Variants in LMTK3 observed in about 807,000 individuals in gnomAD.
LMTK3 encodes the protein serine/threonine-protein kinase LMTK3.
In LMTK3, 27 loss-of-function variants were observed where a neutral mutation model predicts 116.7. The ratio of observed to expected loss-of-function variants is 0.23; its 90% CI spans 0.17 to 0.32. The LOEUF (loss-of-function observed/expected upper bound fraction) is 0.32, where lower values mean the gene tolerates loss of function less well. Ranked by LOEUF, LMTK3 falls within the 10% of genes least tolerant of loss-of-function variation. The pLI, the probability that LMTK3 is intolerant of heterozygous loss-of-function variation, is 1.00. For synonymous variants in LMTK3, 965 were observed against 971.0 expected (o/e 0.99, Z 0.11); for missense variants, 1,764 against 2,068.5 (o/e 0.85, Z 2.86).
In LMTK3 at chr19:48,498,594, G is replaced by T. The variant is rs760321081; in HGVS notation, c.2475C>A (p.Pro825=). The change falls in exon 11 of 15, where the codon CCC becomes CCA. Residue 825 remains proline, a synonymous_variant. Transcript: ENST00000600059. ...EEGVPRPRAP[P]EPPDPGAPRP... ...GGGGCGCTCCTGGGTCGGGTGGCTC[G>T]GGGGGAGCCCGCGGCCGAGGGACCC... 1.3e-6 allele frequency: 2 copies of T among 1,549,180 alleles called. No homozygotes were observed. Among genetic ancestry groups the T allele is most frequent in the East Asian group, 2.4e-5 (1 of 40,868 alleles).
rs759694182 is a variant in LMTK3, at chr19:48,502,896, C to G, written c.645+13G>C. 6.2e-7 allele frequency: 1 copy of G among 1,604,578 alleles called. No homozygotes were observed. Among genetic ancestry groups the G allele is most frequent in the Non-Finnish European group, 8.5e-7 (1 of 1,173,300 alleles). On this transcript the variant is annotated intron_variant, in intron 6 of 14. Transcript: ENST00000600059. ...GCCCCCTCTGCCCTTCCCCAACCCCCCAAGACCCTCACCAGTTGACAGAAC... is the reference window on the plus strand; with the variant it reads ...GCCCCCTCTGCCCTTCCCCAACCCCGCAAGACCCTCACCAGTTGACAGAAC...
intron 7 of LMTK3, among the ~76,000 whole-genome samples, chr19:48,502,228 C>T (rs1341433719): frequency 6.7e-6 from 1 of 148,700 alleles, no homozygotes; most frequent in Non-Finnish European, 1.5e-5. Context: ...TCACCTGACC[C>T]CGCCTCCCTC....
At chr19:48,511,458 G>A (rs755259095) in intron 1 of LMTK3, 43 bp downstream of exon 1, 46 of 885,950 alleles carry the variant, frequency 5.2e-5, no homozygotes, top group Non-Finnish European at 6.7e-5. Flanking sequence ...GGCCGCCGCG[G>A]GGGTGGGGGC....
At chr19:48,507,826 AGGG>A (rs1342316149) in intron 5 of LMTK3, among the ~76,000 whole-genome samples, 3 of 152,190 alleles carry the variant, frequency 2.0e-5, no homozygotes, top group Admixed American at 6.5e-5. Context: ...GCACAGGTTT[AGGG>A]AGAGACAGGC....
rs771509612 is a variant in LMTK3, at chr19:48,493,774, C to T, written c.4012G>A (p.Glu1338Lys). Residue 1338 changes from glutamate to lysine, a missense_variant, in exon 12 of 15, where the codon GAG becomes AAG. Glu to Lys is a moderately conservative substitution (Grantham distance 56). This residue lies in a region of LMTK3 where 281 missense variants were observed against 301.4 expected (regional missense o/e 0.93). Transcript: ENST00000600059. ...GLLKSPRGAD[E>K]PEDSELERKR... ...CTCTCCAGCTCGCTGTCCTCTGGCTCGTCGGCCCCGCGCGGAGACTTGAGC... is the reference window on the plus strand; with the variant it reads ...CTCTCCAGCTCGCTGTCCTCTGGCTTGTCGGCCCCGCGCGGAGACTTGAGC... The T allele has an allele frequency of 6.5e-6, 10 of 1,544,910 alleles. No homozygotes were observed. Among genetic ancestry groups the T allele is most frequent in the Non-Finnish European group, 7.9e-6 (9 of 1,146,466 alleles).
intron 14 of LMTK3, among the ~76,000 whole-genome samples, chr19:48,488,467 T>C (rs896711501): frequency 7.9e-5 from 12 of 151,940 alleles, no homozygotes; most frequent in Admixed American, 1.3e-4. Flanking sequence ...CAACATTGAC[T>C]TCCCTCCCTT....
At chr19:48,486,748 A>T (rs1169377116) in intron 14 of LMTK3, among the ~76,000 whole-genome samples, 7 of 150,518 alleles carry the variant, frequency 4.7e-5, no homozygotes, top group Non-Finnish European at 1.0e-4. Flanking sequence ...TGTGTTAGCC[A>T]GGATGGTCTC....
Position 48,501,489 on chromosome 19 carries a change from T to C in LMTK3, c.868A>G (p.Ser290Gly). The change falls in exon 8 of 15, where the codon AGC (serine) becomes GGC (glycine). Residue 290 changes from serine (S) to glycine (G), a missense_variant. Ser to Gly is a moderately conservative substitution (Grantham distance 56). This residue lies in a region of LMTK3 where 271 missense variants were observed against 478.2 expected (regional missense o/e 0.57). Transcript: ENST00000600059. ...GAAGGAAGCCCTACCTTGTAGTTGC[T>C]GTGGGCCAGCCCGTAGTCTCCGATG... ...VRIGDYGLAH[S>G]NYKEDYYLTP... 6.2e-7 allele frequency: 1 copy of C among 1,612,572 alleles called. No individual in the cohort carries two copies. The highest frequency in any genetic ancestry group is 8.5e-7 in the Non-Finnish European group (1 of 1,179,316).
intron 14 of LMTK3, among the ~76,000 whole-genome samples, chr19:48,487,398 C>T (rs965554696): frequency 6.6e-6 from 1 of 152,136 alleles, no homozygotes; most frequent in East Asian, 1.9e-4. Context: ...TGGTCTCGAA[C>T]TCCTGACCTC....
In LMTK3 at chr19:48,485,804, A is replaced by C; in HGVS notation, c.4367-15T>G. 6.2e-7 allele frequency: 1 copy of C among 1,606,178 alleles called. No homozygotes were observed. The highest frequency in any genetic ancestry group is 8.5e-7 in the Non-Finnish European group (1 of 1,176,886). ...CTCCACGGGGCCTGAGGATGGACAG[A>C]GGAGACAGAGAAATGAAATTACTAG... On this transcript the variant is annotated splice_polypyrimidine_tract_variant and intron_variant, in intron 14 of 14. Coordinates refer to ENST00000600059, the MANE Select transcript of LMTK3 (RefSeq NM_001388485.1).
At chr19:48,486,695 G>A (rs1358671500) in intron 14 of LMTK3, among the ~76,000 whole-genome samples, 1 of 150,394 alleles carries the variant, frequency 6.6e-6, no homozygotes, top group African/African-American at 2.5e-5. Flanking sequence ...CCACGACTAC[G>A]CCCGGCTAAT....
In LMTK3 at chr19:48,487,365, G is replaced by A. The variant is rs183518832; in HGVS notation, c.4367-1576C>T. ...TAATTTTTGTATTTTTCATACAGAC[G>A]GGGTTTCACCATGTTGGCCGGCTGG... On this transcript the variant is annotated intron_variant, in intron 14 of 14. Transcript: ENST00000600059. Among the ~76,000 whole-genome samples, 369 of 152,160 alleles carry A rather than the reference G, an allele frequency of 2.4e-3. 3 individuals carry two copies. Among genetic ancestry groups the A allele is most frequent in the African/African-American group, 8.4e-3 (348 of 41,496 alleles).
Position 48,491,639 on chromosome 19 carries a change from T to C in LMTK3, c.4093-100A>G. 1 of 1,087,152 alleles carries C rather than the reference T, an allele frequency of 9.2e-7. No homozygotes were observed. Among genetic ancestry groups the C allele is most frequent in the Non-Finnish European group, 1.2e-6 (1 of 840,498 alleles). 67.3% of individuals were successfully genotyped at this position (1,087,152 alleles called of 1,614,324 possible). On this transcript the variant is annotated intron_variant, in intron 12 of 14. Coordinates refer to ENST00000600059, the MANE Select transcript of LMTK3 (RefSeq NM_001388485.1). This position sits in a 1 kb window ranked among gnomAD's most constrained non-coding sequence, Gnocchi z 5.1. ...CAAAACCGGCTAATATTTCTGGGGC[T>C]CTAGGAATCCCAATTTGTAATCACT...
chr19:48,499,824 C>T lies in LMTK3; in HGVS notation c.1245G>A (p.Arg415=). The T allele has an allele frequency of 6.4e-7, 1 of 1,566,020 alleles. No homozygotes were observed. The highest frequency in any genetic ancestry group is 8.6e-7 in the Non-Finnish European group (1 of 1,157,498). ...GTGGCGGCGGTGGGGGCCGGGGAGG[C>T]CGCTCGGAGAGCAAGTAGGTGAGCT... The part of the protein sequence containing the change: ...QLQLTYLLSE[R]PPRPPPPPPP... The change falls in exon 11 of 15, where the codon CGG becomes CGA. Residue 415 remains arginine (R), a synonymous_variant. Coordinates refer to ENST00000600059, the MANE Select transcript of LMTK3 (RefSeq NM_001388485.1).
intron 14 of LMTK3, among the ~76,000 whole-genome samples, chr19:48,486,047 CTTTTTTTTTTTTTTTTTT>C (rs141193575): frequency 6.7e-5 from 4 of 59,712 alleles, no homozygotes; most frequent in Non-Finnish European, 1.2e-4. Context: ...AACATTCTTC[CTTTTTTTTTTTTTTTTTT>C]TTTTTTTTTT....
At position 48,500,040 on chromosome 19, in the gene LMTK3, G is replaced by A. The variant is rs1036907310; in HGVS notation, c.1152-123C>T. The A allele has an allele frequency of 9.0e-6, 8 of 885,400 alleles. No homozygotes were observed. The highest frequency in any genetic ancestry group is 8.5e-5 in the East Asian group (3 of 35,420). The allele number at this position is 885,400 out of a possible 1,614,324, so 54.8% of individuals were successfully genotyped here. On this transcript the variant is annotated intron_variant, in intron 10 of 14. Transcript: ENST00000600059. The surrounding 1 kb of genome is among the most constrained non-coding windows in gnomAD (Gnocchi z 4.0). Reference sequence around the variant, plus strand: ...CCAGAGGGTAACAGAGACCCAGAGAGAGGGGGACAGAGACCCAGAGAGAGG... The same window carrying A: ...CCAGAGGGTAACAGAGACCCAGAGAAAGGGGGACAGAGACCCAGAGAGAGG...
At chr19:48,507,032 T>C (rs1402756511) in intron 5 of LMTK3, among the ~76,000 whole-genome samples, 2 of 152,188 alleles carry the variant, frequency 1.3e-5, no homozygotes, top group African/African-American at 4.8e-5. Context: ...GCTCAGGCAG[T>C]CTGCCCGCCT....
chr19:48,511,520 C>T lies in LMTK3; in HGVS notation c.57G>A (p.Leu19=). ...LLAAVSASGC[L]ASPAHPDGFA... is the part of the protein sequence containing the mutation. ...ACTCACCGGGGTGGGCCGGGGACGC[C>T]AGGCAGCCGGAGGCGGAGACGGCCG... Residue 19 remains leucine (L), a synonymous_variant, in exon 1 of 15, where the codon CTG becomes CTA. Coordinates refer to ENST00000600059, the MANE Select transcript of LMTK3 (RefSeq NM_001388485.1). The T allele has an allele frequency of 7.1e-7, 1 of 1,404,620 alleles. No individual in the cohort carries two copies. The highest frequency in any genetic ancestry group is 9.4e-7 in the Non-Finnish European group (1 of 1,066,788). The allele number at this position is 1,404,620 out of a possible 1,614,324, so 87.0% of individuals were successfully genotyped here.
At chr19:48,487,756 C>T (rs948097143) in intron 14 of LMTK3, among the ~76,000 whole-genome samples, 2 of 152,126 alleles carry the variant, frequency 1.3e-5, no homozygotes, top group African/African-American at 4.8e-5. Context: ...TCATATCAGG[C>T]TCCCTCATGC....
Sources: allele counts gnomAD v4.1 joint callset (sites outside exome capture counted in the v4.1 genomes callset), GRCh38; gene constraint gnomAD v4.1.1; regional missense constraint gnomAD v4.1.1; non-coding constraint Gnocchi (gnomAD v3.1); transcripts MANE v1.5; gene names NCBI Gene and HGNC (gene_info 2026-07-23, HGNC 2026-07-21).